The following SLFN12L variants were observed in gnomAD, a reference collection of about 807,000 sequenced individuals.
SLFN12L encodes the protein schlafen family member 12 like.
Under a neutral mutation model 34.8 loss-of-function variants are expected in SLFN12L, and 34 were observed. The ratio of observed to expected loss-of-function variants is 0.98; its 90% CI spans 0.74 to 1.30. SLFN12L has a LOEUF of 1.30. Among genes scored for constraint, SLFN12L ranks in the 50% most tolerant of loss-of-function variants. The probability of loss-of-function intolerance (pLI) is 0.00; values close to 1 mark genes in which losing one functional copy is unlikely to be tolerated. For synonymous variants in SLFN12L, 259 were observed against 247.5 expected, an observed-to-expected ratio of 1.05 and a Z score of -0.44; for missense variants, 703 against 696.2, an observed-to-expected ratio of 1.01 and a Z score of -0.11.
chr17:35,514,100 G>A (rs1406058871), intron 2 of SLFN12L, among the ~76,000 whole-genome samples: 1 of 152,222 alleles, frequency 6.6e-6, no homozygotes, highest in Non-Finnish European at 1.5e-5. Context: ...TGAGGAAAGT[G>A]AGCTCACAAA....
chr17:35,532,432 A>T (rs892554104), intron 1 of SLFN12L, among the ~76,000 whole-genome samples: 5 of 122,876 alleles, frequency 4.1e-5, no homozygotes, highest in African/African-American at 1.4e-4. Flanking sequence ...AGGGAGTGAG[A>T]CTCCATCTCA....
intron 2 of SLFN12L, among the ~76,000 whole-genome samples, chr17:35,508,784 CT>C (rs1173693419): frequency 1.3e-5 from 2 of 152,052 alleles, no homozygotes; most frequent in Non-Finnish European, 2.9e-5. Flanking sequence ...GGAATATTGC[CT>C]GCATTTTCTT....
Position 35,502,437 on chromosome 17 carries a change from A to C in SLFN12L, c.86+19842T>G, listed in dbSNP as rs569660767. Among the ~76,000 whole-genome samples, 642 of 148,982 alleles carry C rather than the reference A, an allele frequency of 4.3e-3. 14 individuals carry two copies. The highest frequency in any genetic ancestry group is 0.013 in the African/African-American group (512 of 40,638). On this transcript the variant is annotated intron_variant, in intron 2 of 4. Transcript: ENST00000628453. ...TAAGGAAAAAAAAAAAAAAAAAAAA[A>C]AAAAAACGATGATTTAACATTAACC...
chr17:35,524,297 T>C (rs1164537867), intron 1 of SLFN12L, among the ~76,000 whole-genome samples: 1 of 152,212 alleles, frequency 6.6e-6, no homozygotes, highest in Non-Finnish European at 1.5e-5. Context: ...GTGGGTGCAG[T>C]GTCAGCAGAC....
rs201251831 is a variant in SLFN12L, at chr17:35,534,954, TGTG to T, written c.-606+2616_-606+2618del. Among the ~76,000 whole-genome samples the T allele has an allele frequency of 7.3e-3, 1,107 of 152,334 alleles. 10 individuals carry two copies. Among genetic ancestry groups the T allele is most frequent in the African/African-American group, 0.018 (760 of 41,570 alleles). ...AGGGCATAGTAGGAAGGTTAATGCT[TGTG>T]GTGCTCCTCATGAGCTGAAAGAGCT... is the stretch of plus-strand genomic sequence containing the variant. On this transcript the variant is annotated intron_variant, in intron 1 of 4. Transcript: ENST00000628453.
At chr17:35,497,178 G>A (rs1484056012) in intron 2 of SLFN12L, among the ~76,000 whole-genome samples, 1 of 152,140 alleles carries the variant, frequency 6.6e-6, no homozygotes, top group Non-Finnish European at 1.5e-5. Flanking sequence ...ATCACCTTAG[G>A]TCAGGAGTTC....
intron 1 of SLFN12L, among the ~76,000 whole-genome samples, chr17:35,533,198 G>A (rs995118601): frequency 6.6e-6 from 1 of 152,298 alleles, no homozygotes; most frequent in African/African-American, 2.4e-5. Context: ...TCATCAAGAA[G>A]ATGCTTAACA....
chr17:35,478,272 G>A (rs562362826), intron 3 of SLFN12L, 87 bp from the exon 4 acceptor site: 35 of 798,718 alleles, frequency 4.4e-5, no homozygotes, highest in South Asian at 3.9e-4. Context: ...TATACCAAAC[G>A]TCTACTTAGA....
At position 35,468,707 on chromosome 17, in the gene SLFN12L, A is replaced by G. The variant is rs1459953041; in HGVS notation, c.*6216T>C. Among the ~76,000 whole-genome samples, 3 of 152,176 alleles carry G rather than the reference A, an allele frequency of 2.0e-5. No homozygotes were observed. The highest frequency in any genetic ancestry group is 2.0e-4 in the Admixed American group (3 of 15,276). On this transcript the variant is annotated 3_prime_UTR_variant, in exon 5 of 5. Coordinates refer to ENST00000628453, the MANE Select transcript of SLFN12L (RefSeq NM_001363830.2). Reference sequence around the variant, plus strand: ...GAAGGAAAATTTAATAGTAGTTACCACTACCTACGTCATTCTAAGAATTAA... The same window carrying G: ...GAAGGAAAATTTAATAGTAGTTACCGCTACCTACGTCATTCTAAGAATTAA...
intron 1 of SLFN12L, among the ~76,000 whole-genome samples, chr17:35,526,743 A>G (rs969243362): frequency 6.6e-6 from 1 of 152,234 alleles, no homozygotes; most frequent in Non-Finnish European, 1.5e-5. Context: ...CTAAATGCCC[A>G]CAAGAAAAAG....
intron 2 of SLFN12L, among the ~76,000 whole-genome samples, chr17:35,483,513 A>G (rs113886745): frequency 5.9e-5 from 9 of 152,314 alleles, no homozygotes; most frequent in African/African-American, 2.2e-4. Flanking sequence ...CCAGAATCCA[A>G]TGATGCTGGT....
Position 35,471,887 on chromosome 17 carries a change from C to A in SLFN12L, c.*3036G>T, listed in dbSNP as rs1410820483. On this transcript the variant is annotated 3_prime_UTR_variant, in exon 5 of 5. Coordinates refer to ENST00000628453, the MANE Select transcript of SLFN12L (RefSeq NM_001363830.2). ...CTTTTGAGAAATGTCTATTCATATC[C>A]TTTATCCACTTTTCAATGGGGTTGT... Among the ~76,000 whole-genome samples the A allele has an allele frequency of 6.6e-6, 1 of 151,992 alleles. No individual in the cohort carries two copies. The highest frequency in any genetic ancestry group is 1.5e-5 in the Non-Finnish European group (1 of 68,018).
chr17:35,479,171 C>A lies in SLFN12L; in HGVS notation c.1111G>T (p.Val371Phe). The change falls in exon 3 of 5, where the codon GTT (valine) becomes TTT (phenylalanine). Residue 371 changes from valine to phenylalanine, a missense_variant. By Grantham distance (50) the Val-to-Phe change is conservative (BLOSUM62 -1). Coordinates refer to ENST00000628453, the MANE Select transcript of SLFN12L (RefSeq NM_001363830.2). ...CATTCCTTCTCGGTCAACTGCTTAA[C>A]TCTGTTATCTTTCACGTGCCAGGAA... Reference protein sequence around the residue: ...PDSWHVKDNRVKQLTEKEWIQ... With the variant: ...PDSWHVKDNRFKQLTEKEWIQ... 1 of 1,576,516 alleles carries A rather than the reference C, an allele frequency of 6.3e-7. No homozygotes were observed. The highest frequency in any genetic ancestry group is 1.3e-5 in the African/African-American group (1 of 74,174).
rs1321173656 is a variant in SLFN12L, at chr17:35,478,082, G to T, written c.1269C>A (p.His423Gln). ...AAGCCAGAATTAAATTACCTGGAAGGTGATATCTCAGTGGCTGAATTTTGA... is the reference window on the plus strand; with the variant it reads ...AAGCCAGAATTAAATTACCTGGAAGTTGATATCTCAGTGGCTGAATTTTGA... ...INFKIQPLRY[H>Q]LPGLSEKITC... is the part of the protein sequence containing the mutation. The change falls in exon 4 of 5, where the codon CAC (histidine) becomes CAA (glutamine). Residue 423 changes from histidine to glutamine, a missense_variant. By Grantham distance (24) the His-to-Gln change is conservative. Transcript: ENST00000628453. 4 of 1,531,924 alleles carry T rather than the reference G, an allele frequency of 2.6e-6. No homozygotes were observed. The East Asian group carries it at 7.4e-5, about 28-fold the overall frequency. 94.9% of individuals were successfully genotyped at this position (1,531,924 alleles called of 1,614,324 possible).
intron 2 of SLFN12L, chr17:35,514,703 A>G (rs374874716): frequency 2.4e-5 from 9 of 373,620 alleles, no homozygotes; most frequent in South Asian, 1.8e-4. Flanking sequence ...CTTCTGCTCA[A>G]CTACCAAGTT....
At chr17:35,526,606 C>T (rs2072337564) in intron 1 of SLFN12L, among the ~76,000 whole-genome samples, 4 of 152,174 alleles carry the variant, frequency 2.6e-5, no homozygotes, top group Admixed American at 2.0e-4. Flanking sequence ...TCCTGAATGA[C>T]TACCAGGTAA....
In SLFN12L at chr17:35,475,023, A is replaced by G. The variant is rs2142123286; in HGVS notation, c.1739T>C (p.Leu580Pro). 6.2e-7 allele frequency: 1 copy of G among 1,600,590 alleles called. No homozygotes were observed. The highest frequency in any genetic ancestry group is 1.3e-5 in the African/African-American group (1 of 74,656). ...AQTMKDLEKA[L>P]SNILPKENQI... The stretch of plus-strand genomic sequence containing the variant: ...ATTCTCCTTAGGTAAGATATTTGAA[A>G]GGGCCTTTTCCAAGTCTTTCATTGT... The change falls in exon 5 of 5, where the codon CTT (leucine) becomes CCT (proline). Residue 580 changes from leucine to proline, a missense_variant. Leu to Pro is a moderately conservative substitution (Grantham distance 98, BLOSUM62 -3). Coordinates refer to ENST00000628453, the MANE Select transcript of SLFN12L (RefSeq NM_001363830.2).
chr17:35,506,677 G>A (rs1031016360), intron 2 of SLFN12L, among the ~76,000 whole-genome samples: 8 of 152,198 alleles, frequency 5.3e-5, no homozygotes, highest in African/African-American at 1.9e-4. Flanking sequence ...TTTGCAATAA[G>A]CCGAGCATGT....
chr17:35,514,715 A>G, intron 2 of SLFN12L: 1 of 381,054 alleles, frequency 2.6e-6, no homozygotes, highest in Admixed American at 4.8e-5. Context: ...TACCAAGTTA[A>G]GACTTTTTCA....
Sources: gnomAD v4.1 joint callset for allele counts (sites outside exome capture counted in the v4.1 genomes callset) on GRCh38, gnomAD v4.1.1 for gene constraint, MANE v1.5 for transcripts, NCBI Gene and HGNC (gene_info 2026-07-23, HGNC 2026-07-21) for gene names.